The following ANKRD27 variants were observed in gnomAD, a reference collection of about 807,000 sequenced individuals.
The protein encoded by ANKRD27 is ankyrin repeat domain-containing protein 27.
Under a neutral mutation model 129.7 loss-of-function variants are expected in ANKRD27, and 112 were observed. That is an observed-to-expected ratio of 0.86 (90% CI 0.74 to 1.01). The LOEUF (loss-of-function observed/expected upper bound fraction) is 1.01, where lower values mean the gene tolerates loss of function less well. Among genes scored for constraint, ANKRD27 ranks in the 50% least tolerant of loss-of-function variants. The probability of loss-of-function intolerance (pLI) is 0.00; values close to 1 mark genes in which losing one functional copy is unlikely to be tolerated. For synonymous variants in ANKRD27, 516 were observed against 511.2 expected (o/e 1.01, Z -0.13); for missense variants, 1,258 against 1,300.5 (o/e 0.97, Z 0.50).
rs1599728217 is a variant in ANKRD27 at position 32,598,031 on chromosome 19, A to C, written c.*114T>G. ...AGCTTTCAGGAACTTGGTGCTGAAG[A>C]CTTCTCAAGCCAGTCTCATGGAAGC... On this transcript the variant is annotated 3_prime_UTR_variant, in exon 29 of 29. Coordinates refer to ENST00000306065, the MANE Select transcript of ANKRD27 (RefSeq NM_032139.3). The C allele has an allele frequency of 5.2e-6, 5 of 970,768 alleles. No homozygotes were observed. Among genetic ancestry groups the C allele is most frequent in the Middle Eastern group, 2.2e-4 (1 of 4,634 alleles). 60.1% of individuals were successfully genotyped at this position (970,768 alleles called of 1,614,324 possible). A position where few individuals can be genotyped will look rare whatever the true frequency, so the allele number is the denominator to read the frequency against.
intron 9 of ANKRD27, among the ~76,000 whole-genome samples, chr19:32,642,715 C>G (rs940778476): frequency 6.6e-6 from 1 of 152,094 alleles, no homozygotes; most frequent in Non-Finnish European, 1.5e-5. Flanking sequence ...CCAGCCTGGG[C>G]GACAGAGTGA....
chr19:32,669,988 C>G (rs1309744580), intron 1 of ANKRD27, among the ~76,000 whole-genome samples: 4 of 143,762 alleles, frequency 2.8e-5, no homozygotes, highest in African/African-American at 1.1e-4. Flanking sequence ...AGGCTGAGAT[C>G]CCGTCACAAA....
At chr19:32,630,300 G>A (rs557158903) in intron 13 of ANKRD27, among the ~76,000 whole-genome samples, 1 of 152,300 alleles carries the variant, frequency 6.6e-6, no homozygotes, top group East Asian at 1.9e-4. Flanking sequence ...CTCCCCCAGG[G>A]GGCTCTGCCC....
intron 5 of ANKRD27, 103 bp from the exon 6 acceptor site, chr19:32,643,734 C>G (rs1967248052): frequency 2.7e-6 from 3 of 1,120,780 alleles, no homozygotes; most frequent in African/African-American, 1.5e-5. Flanking sequence ...CTAACACAAG[C>G]TTTATGAAGT....
intron 2 of ANKRD27, among the ~76,000 whole-genome samples, chr19:32,655,756 G>A (rs969299865): frequency 4.0e-5 from 6 of 151,844 alleles, no homozygotes; most frequent in African/African-American, 1.5e-4. Context: ...AGTGGCTCAC[G>A]CCTGTAATTC....
rs114042733 is a variant in ANKRD27, at chr19:32,626,320, A to G, written c.1537-354T>C. ...GTTGCTGGGACTATAGGCACACACC[A>G]TCATGCCCAGATAATTTTAAAAAAA... On this transcript the variant is annotated intron_variant, in intron 16 of 28. Coordinates refer to ENST00000306065, the MANE Select transcript of ANKRD27 (RefSeq NM_032139.3). 5.8e-3 allele frequency among the ~76,000 whole-genome samples: 883 copies of G among 152,182 alleles called. 12 individuals are homozygous for G. Among genetic ancestry groups the G allele is most frequent in the African/African-American group, 0.02 (829 of 41,528 alleles).
intron 1 of ANKRD27, chr19:32,673,275 T>A: frequency 1.0e-6 from 1 of 985,228 alleles, no homozygotes; most frequent in South Asian, 4.7e-5. Flanking sequence ...GGTGCATTCC[T>A]GTCCCTATGG....
At chr19:32,608,378 A>G in intron 22 of ANKRD27, 1 of 326,496 alleles carries the variant, frequency 3.1e-6, no homozygotes, top group Non-Finnish European at 6.1e-6. Flanking sequence ...GCATGGCCAC[A>G]GCCCCGCAAA....
intron 2 of ANKRD27, among the ~76,000 whole-genome samples, chr19:32,657,430 C>T (rs1339555939): frequency 6.7e-6 from 1 of 149,212 alleles, no homozygotes; most frequent in African/African-American, 2.5e-5. Flanking sequence ...CCACTGCACT[C>T]TAGCCTGGGT....
intron 1 of ANKRD27, among the ~76,000 whole-genome samples, chr19:32,665,758 C>A (rs1167341914): frequency 6.6e-6 from 1 of 151,466 alleles, no homozygotes; most frequent in Non-Finnish European, 1.5e-5. Flanking sequence ...CGCGCCCAGC[C>A]TGCCGTTTTT....
intron 26 of ANKRD27, among the ~76,000 whole-genome samples, chr19:32,601,698 G>C (rs994816126): frequency 1.4e-4 from 21 of 151,620 alleles, no homozygotes; most frequent in African/African-American, 4.9e-4. Context: ...TTTGGAACAT[G>C]AGGCATGAAA....
chr19:32,666,423 A>G (rs951117463), intron 1 of ANKRD27: 5 of 152,190 alleles, frequency 3.3e-5, no homozygotes, highest in African/African-American at 1.2e-4. Context: ...AAAGAAGATT[A>G]CAGGTCAGTG....
chr19:32,600,237 T>C, intron 26 of ANKRD27, 187 bp from the exon 27 acceptor site: 1 of 490,944 alleles, frequency 2.0e-6, no homozygotes, highest in African/African-American at 1.9e-5. Context: ...AATCCAAAAA[T>C]CTAAAGCCTA....
intron 28 of ANKRD27, 139 bp downstream of exon 28, chr19:32,599,565 T>G: frequency 1.4e-6 from 1 of 705,828 alleles, no homozygotes; most frequent in Non-Finnish European, 2.4e-6. Context: ...ATGAAATAAT[T>G]CCAGTTTTAA....
chr19:32,666,732 C>A (rs1967765914), intron 1 of ANKRD27, among the ~76,000 whole-genome samples: 1 of 151,468 alleles, frequency 6.6e-6, no homozygotes. Flanking sequence ...GCAACCTCCA[C>A]CCCTGTGATC....
At chr19:32,606,597 C>T (rs8103269) in intron 23 of ANKRD27, among the ~76,000 whole-genome samples, 1,988 of 151,148 alleles carry the variant, frequency 0.013, 160 homozygotes, top group South Asian at 0.018. Flanking sequence ...ATGTGCTGGG[C>T]GACAGTGATC....
In ANKRD27 at chr19:32,598,072, A is replaced by C; in HGVS notation, c.*73T>G. 7.3e-7 allele frequency: 1 copy of C among 1,373,614 alleles called. No individual in the cohort carries two copies. The highest frequency in any genetic ancestry group is 1.0e-6 in the Non-Finnish European group (1 of 966,930). 85.1% of individuals were successfully genotyped at this position (1,373,614 alleles called of 1,614,324 possible). A position where few individuals can be genotyped will look rare whatever the true frequency, so the allele number is the denominator to read the frequency against. On this transcript the variant is annotated 3_prime_UTR_variant, in exon 29 of 29. Transcript: ENST00000306065. Reference sequence around the variant, plus strand: ...TCATGGAAGCACATTTAGTTCTCAGATGTGTTCACGCTCAGCATCATCTTG... The same window carrying C: ...TCATGGAAGCACATTTAGTTCTCAGCTGTGTTCACGCTCAGCATCATCTTG...
chr19:32,670,853 A>T (rs1291817044), intron 1 of ANKRD27, among the ~76,000 whole-genome samples: 1 of 151,874 alleles, frequency 6.6e-6, no homozygotes, highest in African/African-American at 2.4e-5. Flanking sequence ...TTAGCCAGGC[A>T]TGGGCACCTA....
chr19:32,663,160 C>T (rs955895192), intron 1 of ANKRD27, among the ~76,000 whole-genome samples: 4 of 152,154 alleles, frequency 2.6e-5, no homozygotes, highest in African/African-American at 9.7e-5. Flanking sequence ...TCTTGGTACC[C>T]CAAGATCCCA....
Sources: gnomAD v4.1 joint callset for allele counts (sites outside exome capture counted in the v4.1 genomes callset) on GRCh38, gnomAD v4.1.1 for gene constraint, MANE v1.5 for transcripts, NCBI Gene and HGNC (gene_info 2026-07-23, HGNC 2026-07-21) for gene names.